The following IPP variants were observed in gnomAD, a reference collection of about 807,000 sequenced individuals.
The protein encoded by IPP is actin-binding protein IPP.
Under a neutral mutation model 64.1 loss-of-function variants are expected in IPP, and 41 were observed. That is an observed-to-expected ratio of 0.64 (90% CI 0.50 to 0.83). The LOEUF (loss-of-function observed/expected upper bound fraction) is 0.83, where lower values mean the gene tolerates loss of function less well. Among genes scored for constraint, IPP ranks in the 40% least tolerant of loss-of-function variants. The pLI is 0.00. For synonymous variants in IPP, 214 were observed against 235.2 expected (o/e 0.91, Z 0.83); for missense variants, 649 against 703.0 (o/e 0.92, Z 0.87).
intron 4 of IPP, 132 bp downstream of exon 4, chr1:45,729,482 T>C: frequency 1.5e-6 from 1 of 675,104 alleles, no homozygotes; most frequent in South Asian, 1.8e-5. Flanking sequence ...CTGTAGTCTG[T>C]ATGTGAAATT....
At chr1:45,728,967 A>AAAAT (rs1553191809) in intron 4 of IPP, among the ~76,000 whole-genome samples, 1 of 147,396 alleles carries the variant, frequency 6.8e-6, no homozygotes, top group Non-Finnish European at 1.5e-5. Context: ...CTCTACTTAA[A>AAAAT]ATATATATAT....
chr1:45,736,148 G>T (rs1292353856), intron 3 of IPP, among the ~76,000 whole-genome samples: 1 of 151,644 alleles, frequency 6.6e-6, no homozygotes. Context: ...TAGAGACAGG[G>T]TCTCACTATG....
intron 3 of IPP, among the ~76,000 whole-genome samples, chr1:45,739,586 C>A (rs1297561704): frequency 6.6e-6 from 1 of 151,680 alleles, no homozygotes; most frequent in African/African-American, 2.4e-5. Context: ...ATTTAAACAT[C>A]ATTTTTCTAA....
chr1:45,735,155 C>G (rs1020342982), intron 3 of IPP, among the ~76,000 whole-genome samples: 1 of 152,056 alleles, frequency 6.6e-6, no homozygotes, highest in African/African-American at 2.4e-5. Context: ...GCGATCTCAG[C>G]TCACTGTAAC....
downstream of IPP, chr1:45,694,491 C>T (rs906576852): frequency 1.8e-5 from 27 of 1,541,398 alleles, no homozygotes; most frequent in Middle Eastern, 1.7e-4. Context: ...CCACTTCAAG[C>T]GGAAAACCTC....
At chr1:45,740,456 A>AC (rs1198845625) in intron 3 of IPP, among the ~76,000 whole-genome samples, 1 of 148,194 alleles carries the variant, frequency 6.7e-6, no homozygotes, top group African/African-American at 2.5e-5. Context: ...GGGGGGCTGA[A>AC]CCCCCCATCT....
intron 3 of IPP, among the ~76,000 whole-genome samples, chr1:45,740,448 G>A (rs1171328451): frequency 6.6e-6 from 1 of 151,982 alleles, no homozygotes; most frequent in Non-Finnish European, 1.5e-5. Context: ...GGCCGGGCGG[G>A]GGGCTGAACC....
At chr1:45,749,013 T>C (rs1570066927) in intron 1 of IPP, among the ~76,000 whole-genome samples, 1 of 151,052 alleles carries the variant, frequency 6.6e-6, no homozygotes, top group African/African-American at 2.4e-5. Flanking sequence ...GGAGAAACCA[T>C]GTATTTGGCC....
chr1:45,732,560 T>C (rs545048973), intron 3 of IPP, among the ~76,000 whole-genome samples: 11 of 151,748 alleles, frequency 7.2e-5, no homozygotes, highest in Non-Finnish European at 1.5e-4. Context: ...TAATTGTGAA[T>C]AGAGAGAAAA....
At chr1:45,711,374 A>G (rs996444709) in intron 8 of IPP, among the ~76,000 whole-genome samples, 3 of 151,998 alleles carry the variant, frequency 2.0e-5, no homozygotes, top group African/African-American at 7.2e-5. Context: ...GACCACAACT[A>G]TGTGCTGTCT....
Position 45,733,642 on chromosome 1 carries a change from G to A in IPP, c.725-3873C>T, listed in dbSNP as rs1388395234. 3.2e-4 allele frequency among the ~76,000 whole-genome samples: 48 copies of A among 151,832 alleles called. 1 individual carries two copies. Among genetic ancestry groups the A allele is most frequent in the Non-Finnish European group, 1.5e-5 (1 of 67,972 alleles). On this transcript the variant is annotated intron_variant, in intron 3 of 8. Transcript: ENST00000396478. ...AGGTCAGGAGTTCAAAACCAGCCTG[G>A]CCAATATGGCGAAACCCCGTCTCTA... is the stretch of plus-strand genomic sequence containing the variant.
In IPP at chr1:45,719,903, T is replaced by C. The variant is rs58779104; in HGVS notation, c.1049-563A>G. Among the ~76,000 whole-genome samples, 357 of 151,934 alleles carry C rather than the reference T, an allele frequency of 2.3e-3. 2 individuals carry two copies. The highest frequency in any genetic ancestry group is 8.4e-3 in the African/African-American group (349 of 41,434). ...ACCGCGCCCAGGTAATTTTTTGTAT[T>C]TTTAGTAGAGACGGGGTTTCACCTT... is the stretch of plus-strand genomic sequence containing the variant. On this transcript the variant is annotated intron_variant, in intron 5 of 8. Coordinates refer to ENST00000396478, the MANE Select transcript of IPP (RefSeq NM_005897.3).
chr1:45,705,806 A>G (rs1332468682), intron 8 of IPP, among the ~76,000 whole-genome samples: 1 of 77,608 alleles, frequency 1.3e-5, no homozygotes, highest in Non-Finnish European at 3.0e-5. Context: ...ACATCGTCTC[A>G]ACAAACAAAC....
chr1:45,749,496 T>G (rs984554580), intron 1 of IPP, among the ~76,000 whole-genome samples: 5 of 146,996 alleles, frequency 3.4e-5, no homozygotes, highest in South Asian at 2.2e-4. Flanking sequence ...GATTTTTTGT[T>G]TTTTTTTTTT....
chr1:45,729,728 G>C lies in IPP; in HGVS notation c.766C>G (p.Leu256Val). 1 of 1,603,446 alleles carries C rather than the reference G, an allele frequency of 6.2e-7. No individual in the cohort carries two copies. The change falls in exon 4 of 9, where the codon CTG becomes GTG. Residue 256 changes from leucine (L) to valine (V), a missense_variant. Leu to Val is a conservative substitution (Grantham distance 32). Coordinates refer to ENST00000396478, the MANE Select transcript of IPP (RefSeq NM_005897.3). ...FNLRVALQTL[L>V]KEYCEVCKSP... Reference sequence around the variant, plus strand: ...TTGCATACTTCACAGTACTCTTTCAGAAGTGTTTGCAATGCAACACGAAGA... The same window carrying C: ...TTGCATACTTCACAGTACTCTTTCACAAGTGTTTGCAATGCAACACGAAGA...
chr1:45,717,356 C>T (rs142165790), intron 6 of IPP, among the ~76,000 whole-genome samples: 101 of 151,782 alleles, frequency 6.7e-4, no homozygotes, highest in African/African-American at 2.3e-3. Context: ...TTTTGCAAAA[C>T]TACCTTTTGA....
intron 8 of IPP, among the ~76,000 whole-genome samples, chr1:45,709,432 C>CAAAAAAA (rs71058701): frequency 0.38 from 24,024 of 64,000 alleles, 4,400 homozygotes; most frequent in East Asian, 0.54. Context: ...GACTCCGTCT[C>CAAAAAAA]AAAAAAAAAA....
intron 8 of IPP, among the ~76,000 whole-genome samples, chr1:45,712,298 T>TG (rs1553189236): frequency 1.8e-4 from 24 of 131,338 alleles, no homozygotes; most frequent in African/African-American, 6.8e-4. Context: ...AGACGACGTC[T>TG]AAAAAAAAAA....
At position 45,729,701 on chromosome 1, in the gene IPP, A is replaced by T. The variant is rs748135196; in HGVS notation, c.793T>A (p.Ser265Thr). ...LLKEYCEVCK[S>T]PKENKFCSFL... ...CTACAAAACTTGTTCTCTTTGGGAG[A>T]TTTGCATACTTCACAGTACTCTTTC... Residue 265 changes from serine (S) to threonine (T), a missense_variant, in exon 4 of 9, where the codon TCT (serine) becomes ACT (threonine). Coordinates refer to ENST00000396478, the MANE Select transcript of IPP (RefSeq NM_005897.3). 2.1e-5 allele frequency: 34 copies of T among 1,610,692 alleles called. No individual in the cohort carries two copies. Among genetic ancestry groups the T allele is most frequent in the Admixed American group, 3.3e-5 (2 of 59,902 alleles).
Sources: gnomAD v4.1 joint callset for allele counts (sites outside exome capture counted in the v4.1 genomes callset) on GRCh38, gnomAD v4.1.1 for gene constraint, MANE v1.5 for transcripts, NCBI Gene and HGNC (gene_info 2026-07-23, HGNC 2026-07-21) for gene names.